ATE1: variants seen among roughly 807,000 people sequenced by gnomAD.
ATE1 encodes arginyltransferase 1.
Under a neutral mutation model 70.5 loss-of-function variants are expected in ATE1, and 36 were observed. The observed-to-expected ratio is 0.51, with a 90% CI of 0.39 to 0.67. The LOEUF is 0.67. Ranked by LOEUF, ATE1 falls within the 30% of genes least tolerant of loss-of-function variation. The pLI is 0.00. For synonymous variants in ATE1, 232 were observed against 219.3 expected, an observed-to-expected ratio of 1.06 and a Z score of -0.51; for missense variants, 593 against 629.5, an observed-to-expected ratio of 0.94 and a Z score of 0.62.
At chr10:121,852,415 T>A (rs1177554868) in intron 8 of ATE1, among the ~76,000 whole-genome samples, 2 of 152,110 alleles carry the variant, frequency 1.3e-5, no homozygotes, top group Admixed American at 1.3e-4. Flanking sequence ...TATTTTTTTT[T>A]AACAGTTTCA....
At chr10:121,921,779 C>T (rs563001224) in intron 3 of ATE1, among the ~76,000 whole-genome samples, 1 of 152,172 alleles carries the variant, frequency 6.6e-6, no homozygotes, top group Non-Finnish European at 1.5e-5. Context: ...TAGCCCACCC[C>T]CTTCTGTGAA....
chr10:121,905,911 T>C (rs1951172317), intron 5 of ATE1, among the ~76,000 whole-genome samples: 1 of 151,996 alleles, frequency 6.6e-6, no homozygotes, highest in Non-Finnish European at 1.5e-5. Flanking sequence ...GGTCAATAAA[T>C]TGCTTCAACA....
chr10:121,748,691 T>C (rs1944463504), intron 11 of ATE1, among the ~76,000 whole-genome samples: 1 of 152,054 alleles, frequency 6.6e-6, no homozygotes, highest in Non-Finnish European at 1.5e-5. Context: ...AGGCCTAGAA[T>C]TGTTCTGGAT....
intron 10 of ATE1, among the ~76,000 whole-genome samples, chr10:121,819,929 T>C (rs921927417): frequency 3.3e-5 from 5 of 151,920 alleles, no homozygotes; most frequent in Admixed American, 1.3e-4. Flanking sequence ...GCAGATCACT[T>C]GAGGTCAGGA....
intron 11 of ATE1, among the ~76,000 whole-genome samples, chr10:121,784,955 A>G (rs567488745): frequency 2.0e-5 from 3 of 152,354 alleles, no homozygotes; most frequent in Non-Finnish European, 4.4e-5. Flanking sequence ...TATTTTCCAT[A>G]TTAAAATACA....
chr10:121,914,335 G>A (rs1480095073), intron 3 of ATE1, among the ~76,000 whole-genome samples: 1 of 151,876 alleles, frequency 6.6e-6, no homozygotes, highest in Non-Finnish European at 1.5e-5. Context: ...AAAATGCTGG[G>A]ATTACGTGCA....
chr10:121,769,624 A>G (rs1945417798), intron 11 of ATE1, among the ~76,000 whole-genome samples: 1 of 152,216 alleles, frequency 6.6e-6, no homozygotes, highest in African/African-American at 2.4e-5. Context: ...AAGCTACCAA[A>G]GGACACATAT....
chr10:121,928,071 C>CGCCCGCAG, upstream of ATE1: 1 of 1,207,532 alleles, frequency 8.3e-7, no homozygotes, highest in Non-Finnish European at 1.0e-6. Flanking sequence ...GCCACTCGGG[C>CGCCCGCAG]GCCCGCAGGC....
At chr10:121,856,139 C>T (rs550313107) in intron 8 of ATE1, among the ~76,000 whole-genome samples, 7 of 150,468 alleles carry the variant, frequency 4.7e-5, no homozygotes, top group Admixed American at 4.6e-4. Context: ...ATAAATAAGG[C>T]TAGTTTAAAA....
chr10:121,920,795 C>G (rs553319470), intron 3 of ATE1, among the ~76,000 whole-genome samples: 2 of 151,882 alleles, frequency 1.3e-5, no homozygotes, highest in Non-Finnish European at 2.9e-5. Flanking sequence ...GAGTTCAAGA[C>G]CAGCCTGGCC....
In ATE1 at chr10:121,785,665, G is replaced by C. The variant is rs146587190; in HGVS notation, c.1378+4504C>G. On this transcript the variant is annotated intron_variant, in intron 11 of 11. Coordinates refer to ENST00000224652, the MANE Select transcript of ATE1 (RefSeq NM_001001976.3). ...ATAGATTAGAACCTCAGAGTTTCTG[G>C]GGCTCACACTAGGTACGAGCTTCTT... 9.7e-3 allele frequency among the ~76,000 whole-genome samples: 1,469 copies of C among 152,212 alleles called. 27 individuals are homozygous for C. The highest frequency in any genetic ancestry group is 0.033 in the African/African-American group (1,366 of 41,512).
chr10:121,871,971 C>A (rs546894881), intron 7 of ATE1, among the ~76,000 whole-genome samples: 1 of 152,154 alleles, frequency 6.6e-6, no homozygotes, highest in African/African-American at 2.4e-5. Flanking sequence ...ACAATCTCTA[C>A]CCTTCCTCCC....
In ATE1 at chr10:121,790,829, A is replaced by G. The variant is rs531875899; in HGVS notation, c.1258-540T>C. 3.3e-5 allele frequency among the ~76,000 whole-genome samples: 5 copies of G among 152,220 alleles called. No individual in the cohort carries two copies. In the East Asian group the frequency reaches 9.6e-4, roughly 29 times the overall value. On this transcript the variant is annotated intron_variant, in intron 10 of 11. Transcript: ENST00000224652. The stretch of plus-strand genomic sequence containing the variant: ...ACTTCTATAAGCAATCTAAACTGAT[A>G]AACGTATAATAAAGAGAAGTTTAAG...
At chr10:121,908,781 C>G (rs1235652428) in intron 5 of ATE1, among the ~76,000 whole-genome samples, 2 of 152,160 alleles carry the variant, frequency 1.3e-5, no homozygotes, top group African/African-American at 4.8e-5. Context: ...TAAGACTTGC[C>G]CCCCTGCCCC....
At chr10:121,745,880 A>G (rs1203580576) in intron 11 of ATE1, among the ~76,000 whole-genome samples, 1 of 152,230 alleles carries the variant, frequency 6.6e-6, no homozygotes. Flanking sequence ...GTTAAGGTAT[A>G]TCCACAGAAT....
chr10:121,816,647 C>G (rs1308622960), intron 10 of ATE1, among the ~76,000 whole-genome samples: 1 of 152,316 alleles, frequency 6.6e-6, no homozygotes, highest in East Asian at 1.9e-4. Flanking sequence ...TCACCAGACT[C>G]AGAAACCACT....
At chr10:121,782,709 G>A (rs538043302) in intron 11 of ATE1, 2 of 152,360 alleles carry the variant, frequency 1.3e-5, no homozygotes, top group Non-Finnish European at 1.5e-5. Context: ...GCTGCCAAAA[G>A]AGATGAACAT....
At position 121,790,162 on chromosome 10, in the gene ATE1, A is replaced by G. The variant is rs546961740; in HGVS notation, c.1378+7T>C. The G allele has an allele frequency of 1.9e-6, 3 of 1,613,912 alleles. No homozygotes were observed. The African/African-American group carries it at 4.0e-5, about 22-fold the overall frequency. On this transcript the variant is annotated splice_region_variant and intron_variant, in intron 11 of 11. Transcript: ENST00000224652. ...TGATTTCCAGCTGAGCTCAGCTCCA[A>G]ACATACCTGCTTCTGGGTCCTGGTT... is the stretch of plus-strand genomic sequence containing the variant.
chr10:121,776,665 C>T (rs1270195600), intron 11 of ATE1, among the ~76,000 whole-genome samples: 1 of 152,216 alleles, frequency 6.6e-6, no homozygotes, highest in Non-Finnish European at 1.5e-5. Flanking sequence ...TTCAAAACTA[C>T]CAGAGTGTAC....
Sources: gnomAD v4.1 joint callset for allele counts (sites outside exome capture counted in the v4.1 genomes callset) on GRCh38, gnomAD v4.1.1 for gene constraint, MANE v1.5 for transcripts, NCBI Gene and HGNC (gene_info 2026-07-23, HGNC 2026-07-21) for gene names.